The following ATP2A2 variants were observed in gnomAD, a reference collection of about 807,000 sequenced individuals.
ATP2A2 encodes the protein ATPase sarcoplasmic/endoplasmic reticulum Ca2+ transporting 2, also known as sarcoplasmic/endoplasmic reticulum calcium ATPase 2.
ATP2A2 carries 14 observed loss-of-function variants against 109.3 expected under a neutral mutation model. The observed-to-expected ratio is 0.13, with a 90% CI of 0.08 to 0.20. The LOEUF is 0.20. Among genes scored for constraint, ATP2A2 ranks in the 10% least tolerant of loss-of-function variants. The pLI is 1.00. For missense variants in ATP2A2, 657 were observed against 1,321.6 expected (o/e 0.50, Z 7.80); for synonymous variants, 506 against 490.9 (o/e 1.03, Z -0.41).
Position 110,343,409 on chromosome 12 carries a change from C to G in ATP2A2, c.2496C>G (p.Leu832=), listed in dbSNP as rs769228083. The change falls in exon 16 of 20, where the codon CTC becomes CTG. Residue 832 remains leucine (L), a synonymous_variant. Transcript: ENST00000539276. ...AGGAACCATTGATCAGCGGGTGGCT[C>G]TTTTTCCGTTACTTGGCTATTGGCT... ...NPKEPLISGW[L]FFRYLAIGCY... is the part of the protein sequence containing the mutation. 1.2e-6 allele frequency: 2 copies of G among 1,614,178 alleles called. No homozygotes were observed. The highest frequency in any genetic ancestry group is 4.5e-5 in the East Asian group (2 of 44,890).
At position 110,339,440 on chromosome 12, in the gene ATP2A2, A is replaced by G. The variant is rs765662243; in HGVS notation, c.1542+37A>G. The G allele has an allele frequency of 1.2e-6, 2 of 1,614,226 alleles. No homozygotes were observed. The highest frequency in any genetic ancestry group is 2.2e-5 in the South Asian group (2 of 91,062). The stretch of plus-strand genomic sequence containing the variant: ...AGATTGCAATTGAGATGTTCTTGCC[A>G]GGGTTAAGATCCCGGTGAACCAATA... On this transcript the variant is annotated intron_variant, in intron 12 of 19. Transcript: ENST00000539276. This position sits in a 1 kb window ranked among gnomAD's most constrained non-coding sequence, Gnocchi z 4.4.
Position 110,340,018 on chromosome 12 carries a change from A to C in ATP2A2, c.1761+297A>C, listed in dbSNP as rs1432521272. Among the ~76,000 whole-genome samples the C allele has an allele frequency of 6.6e-6, 1 of 152,188 alleles. No individual in the cohort carries two copies. The highest frequency in any genetic ancestry group is 1.5e-5 in the Non-Finnish European group (1 of 68,028). On this transcript the variant is annotated intron_variant, in intron 13 of 19. Coordinates refer to ENST00000539276, the MANE Select transcript of ATP2A2 (RefSeq NM_170665.4). This position sits in a 1 kb window ranked among gnomAD's most constrained non-coding sequence, Gnocchi z 6.0. ...TCATCTAAATCATGATTTTTTTTAAATTGGTGACATTTCTAGAATATTCAT... is the reference window on the plus strand; with the variant it reads ...TCATCTAAATCATGATTTTTTTTAACTTGGTGACATTTCTAGAATATTCAT...
intron 11 of ATP2A2, 131 bp downstream of exon 11, chr12:110,334,274 C>A: frequency 1.7e-6 from 2 of 1,143,338 alleles, no homozygotes; most frequent in Non-Finnish European, 2.6e-6. Flanking sequence ...GTATTTCCTT[C>A]CCCATATTCA....
chr12:110,349,573 A>C lies in ATP2A2; in HGVS notation c.*3103A>C. ...GCAGGGCATCTGGCCGACTTCCCTC[A>C]CAACAGCTGCTCCCACATCCCCTCG... On this transcript the variant is annotated 3_prime_UTR_variant, in exon 20 of 20. Transcript: ENST00000539276. 1.0e-6 allele frequency: 1 copy of C among 986,482 alleles called. No individual in the cohort carries two copies. The highest frequency in any genetic ancestry group is 1.7e-5 in the African/African-American group (1 of 57,366). The allele number at this position is 986,482 out of a possible 1,614,324, so 61.1% of individuals were successfully genotyped here.
chr12:110,346,359 G>A lies in ATP2A2; in HGVS notation c.3018G>A (p.Ser1006=), dbSNP rs550495835. ...TGCAGCCTGCCACCAAATCCTGCTC[G>A]TTCTCGGCATGCACCGATGGGATTT... ...ECVQPATKSC[S]FSACTDGISW... Residue 1006 remains serine (S), a synonymous_variant, in exon 20 of 20, where the codon TCG becomes TCA. Transcript: ENST00000539276. 37 of 1,614,180 alleles carry A rather than the reference G, an allele frequency of 2.3e-5. 1 individual carries two copies. Among genetic ancestry groups the A allele is most frequent in the South Asian group, 1.4e-4 (13 of 91,080 alleles).
In ATP2A2 at chr12:110,285,916, T is replaced by C. The variant is rs933989394; in HGVS notation, c.219+3121T>C. Among the ~76,000 whole-genome samples, 10 of 113,002 alleles carry C rather than the reference T, an allele frequency of 8.8e-5. No homozygotes were observed. The East Asian group carries it at 1.3e-3, about 15-fold the overall frequency. The allele number at this position is 113,002 out of a possible 152,430, so 74.1% of individuals were successfully genotyped here. ...CTACTAGACCCCCTTGAGTTAGTGC[T>C]TTTTTTTTTTTTTTTTTTTAAATGT... On this transcript the variant is annotated intron_variant, in intron 3 of 19. Coordinates refer to ENST00000539276, the MANE Select transcript of ATP2A2 (RefSeq NM_170665.4).
chr12:110,345,023 T>TTGA, intron 17 of ATP2A2, 52 bp downstream of exon 17: 3 of 1,578,064 alleles, frequency 1.9e-6, no homozygotes, highest in Non-Finnish European at 2.6e-6. Flanking sequence ...TTGTGAGGCC[T>TTGA]TGACCTTTCT....
chr12:110,306,766 C>T (rs141634717), intron 5 of ATP2A2, among the ~76,000 whole-genome samples: 1 of 152,010 alleles, frequency 6.6e-6, no homozygotes, highest in Non-Finnish European at 1.5e-5. Flanking sequence ...CTCACTCTGT[C>T]GCCCAGGCTG....
rs549097748 is a variant in ATP2A2 at position 110,291,954 on chromosome 12, G to A, written c.220-66G>A. The stretch of plus-strand genomic sequence containing the variant: ...GAGCCACCATGCTCGGCCAGTGCTA[G>A]CCACTTTTTAAAAAAGTGACATTAA... On this transcript the variant is annotated intron_variant, in intron 3 of 19. Transcript: ENST00000539276. 1.6e-4 allele frequency: 232 copies of A among 1,432,636 alleles called. 2 individuals are homozygous for A. The East Asian group carries it at 4.9e-3, about 30-fold the overall frequency. 88.7% of individuals were successfully genotyped at this position (1,432,636 alleles called of 1,614,324 possible).
chr12:110,282,316 G>A (rs1396847175), intron 1 of ATP2A2, among the ~76,000 whole-genome samples: 1 of 152,214 alleles, frequency 6.6e-6, no homozygotes, highest in East Asian at 1.9e-4. Flanking sequence ...CAGAAGTGAT[G>A]ACATCGCTGA....
intron 6 of ATP2A2, among the ~76,000 whole-genome samples, chr12:110,323,842 A>C (rs1242087849): frequency 6.6e-6 from 1 of 152,182 alleles, no homozygotes; most frequent in Non-Finnish European, 1.5e-5. Context: ...TTAAGGTTGA[A>C]TTGTTGTCTG....
intron 11 of ATP2A2, among the ~76,000 whole-genome samples, chr12:110,338,549 C>T (rs775395143): frequency 2.6e-5 from 4 of 152,188 alleles, no homozygotes; most frequent in East Asian, 3.9e-4. Context: ...TCTCTGCCCC[C>T]CTGGCTTTAA....
intron 3 of ATP2A2, among the ~76,000 whole-genome samples, chr12:110,284,979 A>C (rs1872522998): frequency 6.6e-6 from 1 of 151,904 alleles, no homozygotes; most frequent in East Asian, 1.9e-4. Flanking sequence ...AAGAGCACTG[A>C]CTCTCTTTTT....
intron 4 of ATP2A2, 108 bp downstream of exon 4, chr12:110,292,232 G>A (rs1873394546): frequency 1.2e-6 from 1 of 855,362 alleles, no homozygotes; most frequent in African/African-American, 1.7e-5. Flanking sequence ...GTAAAAATAT[G>A]TTTGCGGGAA....
intron 7 of ATP2A2, among the ~76,000 whole-genome samples, chr12:110,326,980 A>G (rs1877868710): frequency 6.6e-6 from 1 of 152,168 alleles, no homozygotes; most frequent in Non-Finnish European, 1.5e-5. Context: ...TAAGTTGGGG[A>G]CATTTGTGGG....
intron 5 of ATP2A2, among the ~76,000 whole-genome samples, chr12:110,302,401 G>A (rs929790158): frequency 2.0e-5 from 3 of 151,924 alleles, no homozygotes; most frequent in African/African-American, 4.8e-5. Flanking sequence ...CTATAAAGTG[G>A]AGTACAAATT....
At chr12:110,302,833 G>A (rs1874827716) in intron 5 of ATP2A2, among the ~76,000 whole-genome samples, 1 of 152,036 alleles carries the variant, frequency 6.6e-6, no homozygotes, top group African/African-American at 2.4e-5. Flanking sequence ...TCCTGGCCTC[G>A]TGACCCACTC....
At position 110,292,095 on chromosome 12, in the gene ATP2A2, G is replaced by A. The variant is rs1873378601; in HGVS notation, c.295G>A (p.Val99Ile). 6.2e-7 allele frequency: 1 copy of A among 1,614,036 alleles called. No homozygotes were observed. The highest frequency in any genetic ancestry group is 1.3e-5 in the African/African-American group (1 of 74,932). ...ACCTTTTGTAATTTTACTCATATTA[G>A]TAGCCAATGCAATTGTGGGTGTATG... is the stretch of plus-strand genomic sequence containing the variant. Reference protein sequence around the residue: ...VEPFVILLILVANAIVGVWQE... With the variant: ...VEPFVILLILIANAIVGVWQE... Residue 99 changes from valine to isoleucine, a missense_variant, in exon 4 of 20, where the codon GTA (valine) becomes ATA (isoleucine). Val to Ile is a conservative substitution (Grantham distance 29). Coordinates refer to ENST00000539276, the MANE Select transcript of ATP2A2 (RefSeq NM_170665.4).
At position 110,339,423 on chromosome 12, in the gene ATP2A2, A is replaced by G. The variant is rs371588781; in HGVS notation, c.1542+20A>G. 3.6e-5 allele frequency: 58 copies of G among 1,614,224 alleles called. No individual in the cohort carries two copies. Among genetic ancestry groups the G allele is most frequent in the African/African-American group, 1.5e-4 (11 of 75,076 alleles). On this transcript the variant is annotated intron_variant, in intron 12 of 19. Transcript: ENST00000539276. This position sits in a 1 kb window ranked among gnomAD's most constrained non-coding sequence, Gnocchi z 4.4. ...GTGAAGGCAAGTATGGCAGATTGCA[A>G]TTGAGATGTTCTTGCCAGGGTTAAG... is the stretch of plus-strand genomic sequence containing the variant.
Sources: allele counts gnomAD v4.1 joint callset (sites outside exome capture counted in the v4.1 genomes callset), GRCh38; gene constraint gnomAD v4.1.1; non-coding constraint Gnocchi (gnomAD v3.1); transcripts MANE v1.5; gene names NCBI Gene and HGNC (gene_info 2026-07-23, HGNC 2026-07-21).